EIF4G3: variants seen among roughly 807,000 people sequenced by gnomAD.
EIF4G3 encodes eIF-4-gamma 3.
EIF4G3 carries 34 observed loss-of-function variants against 186.4 expected under a neutral mutation model. The observed-to-expected ratio is 0.18, with a 90% CI of 0.14 to 0.24. The LOEUF (loss-of-function observed/expected upper bound fraction) is 0.24, where lower values mean the gene tolerates loss of function less well. EIF4G3 is among the 10% of genes least tolerant of loss of function. The pLI, the probability that EIF4G3 is intolerant of heterozygous loss-of-function variation, is 1.00. For synonymous variants in EIF4G3, 673 were observed against 679.5 expected, an observed-to-expected ratio of 0.99 and a Z score of 0.15; for missense variants, 1,536 against 1,948.5, an observed-to-expected ratio of 0.79 and a Z score of 3.99.
At chr1:21,059,641 A>G (rs1372795871) in intron 3 of EIF4G3, among the ~76,000 whole-genome samples, 1 of 152,236 alleles carries the variant, frequency 6.6e-6, no homozygotes, top group Non-Finnish European at 1.5e-5. Flanking sequence ...AGATTTACAG[A>G]TATTCAAGTA....
chr1:21,054,149 C>A (rs984125885), intron 3 of EIF4G3, among the ~76,000 whole-genome samples: 31 of 151,788 alleles, frequency 2.0e-4, no homozygotes, highest in African/African-American at 6.3e-4. Context: ...GCCTTGGGAT[C>A]CTGTTGATCT....
Position 20,813,207 on chromosome 1 carries a change from A to G in EIF4G3, c.4548T>C (p.Pro1516=). ...CAGTCATTAAAGCTCTAAGGAATGT[A>G]GGTGAACTCATCTGGATTTCGTCTA... ...ANLDEIQMSS[P]TFLRALMTAV... Residue 1516 remains proline, a synonymous_variant, in exon 35 of 37, where the codon CCT becomes CCC. Transcript: ENST00000602326. The G allele has an allele frequency of 6.2e-7, 1 of 1,613,818 alleles. No homozygotes were observed. The highest frequency in any genetic ancestry group is 1.3e-5 in the African/African-American group (1 of 75,038).
intron 3 of EIF4G3, among the ~76,000 whole-genome samples, chr1:21,085,847 C>T (rs1267041093): frequency 6.6e-6 from 1 of 152,118 alleles, no homozygotes; most frequent in Non-Finnish European, 1.5e-5. Flanking sequence ...GTTCACGCCA[C>T]CACACCCGGC....
At chr1:21,079,499 C>T (rs550772797) in intron 3 of EIF4G3, among the ~76,000 whole-genome samples, 35 of 125,812 alleles carry the variant, frequency 2.8e-4, no homozygotes, top group South Asian at 8.8e-4. Flanking sequence ...GAGACCTTGT[C>T]TCTACAGAAA....
intron 3 of EIF4G3, among the ~76,000 whole-genome samples, chr1:21,051,744 A>T (rs1192851789): frequency 6.6e-6 from 1 of 152,080 alleles, no homozygotes; most frequent in African/African-American, 2.4e-5. Context: ...CCACCTGTAG[A>T]AATAGTTACT....
At chr1:21,136,929 A>G (rs1389061194) in intron 2 of EIF4G3, among the ~76,000 whole-genome samples, 5 of 152,246 alleles carry the variant, frequency 3.3e-5, no homozygotes, top group Non-Finnish European at 5.9e-5. Flanking sequence ...TAAAACATAC[A>G]CTGAAGTGCA....
At chr1:20,867,756 A>G (rs2077922072) in intron 20 of EIF4G3, among the ~76,000 whole-genome samples, 1 of 152,238 alleles carries the variant, frequency 6.6e-6, no homozygotes, top group Non-Finnish European at 1.5e-5. Flanking sequence ...CAATAAAGAG[A>G]AAATCACAAA....
At chr1:20,916,204 T>C (rs1014763073) in intron 14 of EIF4G3, among the ~76,000 whole-genome samples, 13 of 152,178 alleles carry the variant, frequency 8.5e-5, no homozygotes, top group African/African-American at 2.9e-4. Flanking sequence ...AAAATGCCTC[T>C]GGGAGGCCGA....
chr1:21,152,225 A>G (rs2097562473), intron 2 of EIF4G3, among the ~76,000 whole-genome samples: 1 of 151,102 alleles, frequency 6.6e-6, no homozygotes, highest in Non-Finnish European at 1.5e-5. Flanking sequence ...TAATCCCAAG[A>G]CTTTGGGAGG....
In EIF4G3 at chr1:20,865,309, G is replaced by A. The variant is rs1443212780; in HGVS notation, c.2623-47C>T. 3.1e-6 allele frequency: 5 copies of A among 1,598,442 alleles called. No individual in the cohort carries two copies. The Admixed American group carries it at 8.7e-5, about 28-fold the overall frequency. ...AAAAAAATCAACAAGATTACTTAAA[G>A]ACATTAAAAATATCTGTTTGCTTTA... On this transcript the variant is annotated intron_variant, in intron 20 of 36. Transcript: ENST00000602326.
chr1:20,973,393 A>G (rs2076264771), intron 10 of EIF4G3, among the ~76,000 whole-genome samples: 1 of 152,254 alleles, frequency 6.6e-6, no homozygotes, highest in African/African-American at 2.4e-5. Flanking sequence ...GGATCATGCT[A>G]TAGTGATGCT....
chr1:21,080,049 G>A (rs1422270092), intron 3 of EIF4G3, among the ~76,000 whole-genome samples: 2 of 151,954 alleles, frequency 1.3e-5, no homozygotes, highest in Non-Finnish European at 2.9e-5. Flanking sequence ...TACTCGGGAG[G>A]CCGAGGCAAG....
At chr1:20,992,986 T>C (rs1436511275) in intron 7 of EIF4G3, among the ~76,000 whole-genome samples, 1 of 152,182 alleles carries the variant, frequency 6.6e-6, no homozygotes, top group Non-Finnish European at 1.5e-5. Context: ...AGTGCAAAAA[T>C]AGTTGACATA....
chr1:21,157,625 C>T (rs1451316150), intron 2 of EIF4G3, among the ~76,000 whole-genome samples: 1 of 152,036 alleles, frequency 6.6e-6, no homozygotes, highest in East Asian at 1.9e-4. Context: ...TGTGAGCCAC[C>T]ACACCCAGCC....
intron 3 of EIF4G3, among the ~76,000 whole-genome samples, chr1:21,086,592 T>C (rs556802329): frequency 2.0e-5 from 3 of 152,184 alleles, no homozygotes; most frequent in Admixed American, 6.6e-5. Context: ...TCCTTTCGCA[T>C]GCAATTAACA....
intron 3 of EIF4G3, among the ~76,000 whole-genome samples, chr1:21,083,486 A>AT (rs2095859974): frequency 8.5e-6 from 1 of 117,434 alleles, no homozygotes. Flanking sequence ...CCACACACAC[A>AT]CTTTTTTTTT....
At chr1:20,907,393 A>C (rs892721510) in intron 14 of EIF4G3, among the ~76,000 whole-genome samples, 3 of 152,050 alleles carry the variant, frequency 2.0e-5, no homozygotes, top group African/African-American at 7.2e-5. Flanking sequence ...TTTTTTTTAA[A>C]TTTTATTATT....
At chr1:21,087,262 T>C (rs961126465) in intron 3 of EIF4G3, among the ~76,000 whole-genome samples, 1 of 152,214 alleles carries the variant, frequency 6.6e-6, no homozygotes, top group Non-Finnish European at 1.5e-5. Flanking sequence ...TAAATTACCT[T>C]AGGTTCACTG....
At chr1:20,828,031 T>TG (rs373859692) in intron 31 of EIF4G3, among the ~76,000 whole-genome samples, 2,470 of 133,816 alleles carry the variant, frequency 0.018, 107 homozygotes, top group East Asian at 0.03. Flanking sequence ...TTTATAAAGT[T>TG]TTTTTTTTTT....
Sources: allele counts gnomAD v4.1 joint callset (sites outside exome capture counted in the v4.1 genomes callset), GRCh38; gene constraint gnomAD v4.1.1; transcripts MANE v1.5; gene names NCBI Gene and HGNC (gene_info 2026-07-23, HGNC 2026-07-21).